The following TICAM2 variants were observed in gnomAD, a reference collection of about 807,000 sequenced individuals.
The protein encoded by TICAM2 is TIR domain-containing adapter molecule 2.
In TICAM2, 8 loss-of-function variants were observed where a neutral mutation model predicts 7.3. The ratio of observed to expected loss-of-function variants is 1.10; its 90% CI spans 0.65 to 1.99. The LOEUF (loss-of-function observed/expected upper bound fraction) is 1.99, where lower values mean the gene tolerates loss of function less well. TICAM2 is among the 30% of genes most tolerant of loss of function. TICAM2 has a pLI of 0.00. For synonymous variants in TICAM2, 113 were observed against 99.6 expected (o/e 1.13, Z -0.80); for missense variants, 304 against 278.8 (o/e 1.09, Z -0.65).
chr5:115,579,447 T>G lies in TICAM2; in HGVS notation c.*1102A>C, dbSNP rs1754836785. The G allele has an allele frequency of 6.6e-6, 1 of 152,188 alleles. No individual in the cohort carries two copies. The highest frequency in any genetic ancestry group is 2.4e-5 in the African/African-American group (1 of 41,426). The allele number at this position is 152,188 out of a possible 1,614,324, so 9.4% of individuals were successfully genotyped here. On this transcript the variant is annotated 3_prime_UTR_variant, in exon 2 of 2. Coordinates refer to ENST00000427199, the MANE Select transcript of TICAM2 (RefSeq NM_021649.7). ...TGATCCCGAAGAGGGCTTTTCTCAT[T>G]ACATGACATGACCCATTCTCCACCC...
intron 1 of TICAM2, among the ~76,000 whole-genome samples, chr5:115,587,134 G>A (rs972600981): frequency 6.6e-6 from 1 of 152,124 alleles, no homozygotes; most frequent in African/African-American, 2.4e-5. Context: ...GTAAGAGCAG[G>A]GGAAAGGTAA....
At chr5:115,598,579 C>A (rs562703250) in intron 1 of TICAM2, among the ~76,000 whole-genome samples, 21 of 152,268 alleles carry the variant, frequency 1.4e-4, no homozygotes, top group African/African-American at 4.1e-4. Flanking sequence ...GTGCTCTGGC[C>A]AACAGACAGA....
intron 1 of TICAM2, among the ~76,000 whole-genome samples, chr5:115,598,910 G>T (rs1221599416): frequency 6.6e-6 from 1 of 151,866 alleles, no homozygotes; most frequent in Admixed American, 6.6e-5. Context: ...TGAAAATATT[G>T]TTTTTCATTT....
rs1374247325 is a variant in TICAM2 at position 115,579,091 on chromosome 5, A to G, written c.*1458T>C. ...ATCTCTATAAAAATTTATTTTTAAG[A>G]AAGCCTGAGTAAGCATGTATATTTT... On this transcript the variant is annotated 3_prime_UTR_variant, in exon 2 of 2. Transcript: ENST00000427199. The G allele has an allele frequency of 6.5e-6, 1 of 152,682 alleles. No homozygotes were observed. Among genetic ancestry groups the G allele is most frequent in the Non-Finnish European group, 1.5e-5 (1 of 68,038 alleles). The allele number at this position is 152,682 out of a possible 1,614,324, so 9.5% of individuals were successfully genotyped here. A position where few individuals can be genotyped will look rare whatever the true frequency, so the allele number is the denominator to read the frequency against.
intron 1 of TICAM2, among the ~76,000 whole-genome samples, chr5:115,600,301 A>G (rs1025319859): frequency 1.3e-5 from 2 of 152,244 alleles, no homozygotes; most frequent in Non-Finnish European, 2.9e-5. Flanking sequence ...GGAGATGCTG[A>G]GTAAACAGCT....
intron 1 of TICAM2, among the ~76,000 whole-genome samples, chr5:115,584,435 G>A (rs1220445555): frequency 6.6e-6 from 1 of 152,172 alleles, no homozygotes; most frequent in Non-Finnish European, 1.5e-5. Flanking sequence ...TCTTGGATAT[G>A]TGAGTTGTTT....
chr5:115,592,553 G>A (rs991420927), intron 1 of TICAM2, among the ~76,000 whole-genome samples: 4 of 151,204 alleles, frequency 2.6e-5, no homozygotes, highest in African/African-American at 9.7e-5. Context: ...TCCCCAAAAA[G>A]AAAAATCCAG....
At chr5:115,595,610 C>G (rs1755481634) in intron 1 of TICAM2, among the ~76,000 whole-genome samples, 1 of 152,102 alleles carries the variant, frequency 6.6e-6, no homozygotes, top group East Asian at 1.9e-4. Flanking sequence ...GCTTAAAGAT[C>G]CCTTTGATAA....
chr5:115,599,067 A>T (rs1447823227), intron 1 of TICAM2, among the ~76,000 whole-genome samples: 1 of 151,608 alleles, frequency 6.6e-6, no homozygotes, highest in East Asian at 1.9e-4. Context: ...TGTCTCAAAA[A>T]AAAAAAAAAA....
chr5:115,594,656 G>A (rs1482980996), intron 1 of TICAM2, among the ~76,000 whole-genome samples: 1 of 152,178 alleles, frequency 6.6e-6, no homozygotes, highest in Admixed American at 6.5e-5. Context: ...AGACATAAAA[G>A]TGACAGTGGC....
intron 1 of TICAM2, among the ~76,000 whole-genome samples, chr5:115,601,751 G>A (rs977768035): frequency 2.0e-5 from 3 of 152,192 alleles, no homozygotes; most frequent in Non-Finnish European, 4.4e-5. Context: ...TCCAGCACTG[G>A]CTCTGTGTGC....
At chr5:115,597,618 C>T (rs1314982278) in intron 1 of TICAM2, among the ~76,000 whole-genome samples, 1 of 152,136 alleles carries the variant, frequency 6.6e-6, no homozygotes, top group Non-Finnish European at 1.5e-5. Context: ...AATATGATCT[C>T]AGCTTTGTTA....
chr5:115,592,880 C>T (rs991887686), intron 1 of TICAM2, among the ~76,000 whole-genome samples: 12 of 152,304 alleles, frequency 7.9e-5, no homozygotes, highest in African/African-American at 2.6e-4. Context: ...TGGTGGCTCA[C>T]GCCTGTAATC....
At chr5:115,601,460 T>TG (rs562453768) in intron 1 of TICAM2, among the ~76,000 whole-genome samples, 172 of 152,024 alleles carry the variant, frequency 1.1e-3, no homozygotes, top group Non-Finnish European at 1.1e-3. Flanking sequence ...AGACGTGCAA[T>TG]GTGGGTTCAG....
intron 1 of TICAM2, among the ~76,000 whole-genome samples, chr5:115,595,624 C>T (rs2127204576): frequency 6.6e-6 from 1 of 152,234 alleles, no homozygotes; most frequent in East Asian, 1.9e-4. Flanking sequence ...TTGATAATAC[C>T]CTAATGCCTT....
At chr5:115,594,852 G>A (rs1755447986) in intron 1 of TICAM2, among the ~76,000 whole-genome samples, 1 of 152,118 alleles carries the variant, frequency 6.6e-6, no homozygotes, top group Admixed American at 6.5e-5. Context: ...TGGATGAACT[G>A]AAATAAATGC....
chr5:115,585,756 G>A (rs994332218), intron 1 of TICAM2, among the ~76,000 whole-genome samples: 25 of 152,288 alleles, frequency 1.6e-4, no homozygotes, highest in African/African-American at 6.0e-4. Context: ...AGCCAGGGGA[G>A]GATTTTGAGC....
chr5:115,595,212 A>G (rs1366080), intron 1 of TICAM2, among the ~76,000 whole-genome samples: 24 of 152,196 alleles, frequency 1.6e-4, no homozygotes, highest in Admixed American at 5.2e-4. Flanking sequence ...GGATCAATCA[A>G]TCAATCAATC....
intron 1 of TICAM2, among the ~76,000 whole-genome samples, chr5:115,598,786 G>A (rs1164415088): frequency 2.0e-5 from 3 of 152,020 alleles, no homozygotes; most frequent in African/African-American, 7.3e-5. Context: ...TCTTTTACAA[G>A]AAGGGGTGAT....
Sources: gnomAD v4.1 joint callset for allele counts (sites outside exome capture counted in the v4.1 genomes callset) on GRCh38, gnomAD v4.1.1 for gene constraint, MANE v1.5 for transcripts, NCBI Gene and HGNC (gene_info 2026-07-23, HGNC 2026-07-21) for gene names.